The following PIAS2 variants were observed in gnomAD, a reference collection of about 807,000 sequenced individuals.
PIAS2 encodes the protein protein inhibitor of activated STAT 2.
A neutral mutation model predicts 69.7 loss-of-function variants in PIAS2; 19 were observed. That is an observed-to-expected ratio of 0.27 (90% CI 0.19 to 0.40). PIAS2 has a LOEUF of 0.40. PIAS2 is among the 10% of genes least tolerant of loss of function. The pLI is 1.00. For synonymous variants in PIAS2, 261 were observed against 263.2 expected (o/e 0.99, Z 0.08); for missense variants, 624 against 757.0 (o/e 0.82, Z 2.06).
At chr18:46,865,345 G>A (rs1019752198) in intron 2 of PIAS2, among the ~76,000 whole-genome samples, 5 of 152,014 alleles carry the variant, frequency 3.3e-5, no homozygotes, top group African/African-American at 1.2e-4. Flanking sequence ...TTCAAGACCA[G>A]CCTGGCCAAC....
At chr18:46,845,709 T>C (rs1169720944) in intron 6 of PIAS2, among the ~76,000 whole-genome samples, 2 of 152,168 alleles carry the variant, frequency 1.3e-5, no homozygotes, top group Non-Finnish European at 2.9e-5. Context: ...ATACTTTTAA[T>C]AGCTGCCAAA....
upstream of PIAS2, among the ~76,000 whole-genome samples, chr18:46,919,145 G>C (rs2058360194): frequency 6.6e-6 from 1 of 151,718 alleles, no homozygotes; most frequent in African/African-American, 2.4e-5. Context: ...GAGGTCGGGA[G>C]TTGCAGACCA....
At chr18:46,891,419 A>G (rs1476645857) in intron 1 of PIAS2, among the ~76,000 whole-genome samples, 1 of 152,196 alleles carries the variant, frequency 6.6e-6, no homozygotes, top group African/African-American at 2.4e-5. Context: ...CCCTCCCAAT[A>G]TACAATGTAA....
chr18:46,812,873 T>A (rs1314845367), intron 13 of PIAS2, among the ~76,000 whole-genome samples: 1 of 152,172 alleles, frequency 6.6e-6, no homozygotes, highest in Admixed American at 6.5e-5. Context: ...AAGGTAAAAG[T>A]ACAATGTCAA....
At chr18:46,860,279 A>G (rs1422654850) in intron 3 of PIAS2, among the ~76,000 whole-genome samples, 1 of 152,256 alleles carries the variant, frequency 6.6e-6, no homozygotes, top group Admixed American at 6.5e-5. Context: ...AATATGCAGC[A>G]AAGTTTGAGA....
chr18:46,903,468 T>A (rs1052121246), intron 1 of PIAS2: 2 of 152,032 alleles, frequency 1.3e-5, no homozygotes, highest in African/African-American at 4.8e-5. Flanking sequence ...ATGTTCAGCA[T>A]CATTAGCCAT....
At chr18:46,826,432 T>C (rs371721216) in intron 11 of PIAS2, among the ~76,000 whole-genome samples, 1 of 152,122 alleles carries the variant, frequency 6.6e-6, no homozygotes, top group Non-Finnish European at 1.5e-5. Context: ...TGAGTCAGCA[T>C]CACTAGGCAT....
intron 1 of PIAS2, among the ~76,000 whole-genome samples, chr18:46,903,236 G>A (rs185268676): frequency 5.4e-5 from 8 of 149,492 alleles, no homozygotes; most frequent in Admixed American, 1.3e-4. Context: ...CCTGTGCTAC[G>A]CAAAAGACCC....
chr18:46,815,500 T>C lies in PIAS2; in HGVS notation c.1649-151A>G, dbSNP rs538962591. 126 of 1,435,776 alleles carry C rather than the reference T, an allele frequency of 8.8e-5. 1 individual carries two copies. Among genetic ancestry groups the C allele is most frequent in the Middle Eastern group, 8.0e-4 (4 of 4,986 alleles). The allele number at this position is 1,435,776 out of a possible 1,614,324, so 88.9% of individuals were successfully genotyped here. A position where few individuals can be genotyped will look rare whatever the true frequency, so the allele number is the denominator to read the frequency against. On this transcript the variant is annotated intron_variant, in intron 12 of 13. Transcript: ENST00000585916. ...AGTTCTATACCATGATCAGTGATAT[T>C]TGAAGTGTTTAAAACCCAAAGATGA... is the stretch of plus-strand genomic sequence containing the variant.
intron 3 of PIAS2, among the ~76,000 whole-genome samples, chr18:46,855,836 A>G (rs569505362): frequency 5.3e-5 from 8 of 152,278 alleles, no homozygotes; most frequent in Admixed American, 4.6e-4. Flanking sequence ...ATTTTAAGGT[A>G]CCTTCAATGC....
intron 13 of PIAS2, among the ~76,000 whole-genome samples, chr18:46,813,260 G>A (rs938110658): frequency 6.6e-6 from 1 of 152,084 alleles, no homozygotes; most frequent in African/African-American, 2.4e-5. Context: ...AAATGTTAAA[G>A]AAGATCTAAC....
At chr18:46,862,798 T>A (rs2048875298) in intron 3 of PIAS2, among the ~76,000 whole-genome samples, 1 of 152,076 alleles carries the variant, frequency 6.6e-6, no homozygotes, top group Non-Finnish European at 1.5e-5. Flanking sequence ...CTCTGCCTCC[T>A]GGGTTAATGT....
chr18:46,826,620 T>C (rs2042889531), intron 11 of PIAS2: 1 of 152,208 alleles, frequency 6.6e-6, no homozygotes, highest in South Asian at 2.1e-4. Flanking sequence ...TCATTTTCTG[T>C]TTATCATTTA....
At chr18:46,840,219 C>T (rs1725555355) in intron 8 of PIAS2, among the ~76,000 whole-genome samples, 1 of 151,898 alleles carries the variant, frequency 6.6e-6, no homozygotes, top group Non-Finnish European at 1.5e-5. Flanking sequence ...TGTATGTGGG[C>T]TATAGTTATC....
intron 8 of PIAS2, among the ~76,000 whole-genome samples, chr18:46,839,634 G>C (rs1266763584): frequency 6.6e-6 from 1 of 152,054 alleles, no homozygotes; most frequent in Non-Finnish European, 1.5e-5. Context: ...GGAGGCCGAG[G>C]AGGGTGGATC....
intron 13 of PIAS2, among the ~76,000 whole-genome samples, chr18:46,814,387 A>G (rs1450320719): frequency 6.6e-6 from 1 of 152,300 alleles, no homozygotes; most frequent in East Asian, 1.9e-4. Context: ...AAAATTAGTA[A>G]TCCTCACATC....
intron 2 of PIAS2, among the ~76,000 whole-genome samples, chr18:46,871,277 AG>A (rs2050320912): frequency 6.6e-6 from 1 of 152,220 alleles, no homozygotes; most frequent in African/African-American, 2.4e-5. Flanking sequence ...ACCTTCCAAC[AG>A]GGGTTCCAAA....
At chr18:46,905,480 GA>G (rs1321186632) in intron 1 of PIAS2, among the ~76,000 whole-genome samples, 3 of 151,866 alleles carry the variant, frequency 2.0e-5, no homozygotes, top group African/African-American at 7.3e-5. Context: ...GAAAAGAAAA[GA>G]AGAGCAAAAA....
rs139008659 is a variant in PIAS2, at chr18:46,912,724, T to C, written c.24+4598A>G. Among the ~76,000 whole-genome samples, 49 of 152,290 alleles carry C rather than the reference T, an allele frequency of 3.2e-4. No homozygotes were observed. The East Asian group carries it at 8.5e-3, about 26-fold the overall frequency. On this transcript the variant is annotated intron_variant, in intron 1 of 13. Coordinates refer to ENST00000585916, the MANE Select transcript of PIAS2 (RefSeq NM_004671.5). Reference sequence around the variant, plus strand: ...AATATAGAGAGAAAGGCATGGTATATTTTTAGACTTTTGGAACAACAATAA... The same window carrying C: ...AATATAGAGAGAAAGGCATGGTATACTTTTAGACTTTTGGAACAACAATAA...
Sources: allele counts gnomAD v4.1 joint callset (sites outside exome capture counted in the v4.1 genomes callset), GRCh38; gene constraint gnomAD v4.1.1; transcripts MANE v1.5; gene names NCBI Gene and HGNC (gene_info 2026-07-23, HGNC 2026-07-21).